Variants in TXNRD1 observed in about 807,000 individuals in gnomAD.
TXNRD1 encodes the protein thioredoxin reductase 1, cytoplasmic.
TXNRD1 carries 57 observed loss-of-function variants against 80.3 expected under a neutral mutation model. The observed-to-expected ratio is 0.71, with a 90% CI of 0.57 to 0.89. The LOEUF is 0.89. Ranked by LOEUF, TXNRD1 falls within the 40% of genes least tolerant of loss-of-function variation. The pLI is 0.00. For synonymous variants in TXNRD1, 291 were observed against 285.2 expected (o/e 1.02, Z -0.20); for missense variants, 730 against 803.0 (o/e 0.91, Z 1.10).
chr12:104,221,844 G>A (rs1459299910), intron 1 of TXNRD1, among the ~76,000 whole-genome samples: 1 of 152,124 alleles, frequency 6.6e-6, no homozygotes, highest in Non-Finnish European at 1.5e-5. Context: ...AGAATTAAGA[G>A]GCCACAATTA....
intron 3 of TXNRD1, among the ~76,000 whole-genome samples, chr12:104,263,115 G>A (rs529336093): frequency 1.3e-5 from 2 of 152,324 alleles, no homozygotes; most frequent in East Asian, 3.9e-4. Context: ...TGGCATTCAT[G>A]TCCTGTGTGT....
chr12:104,343,246 A>T (rs79864004), intron 16 of TXNRD1, among the ~76,000 whole-genome samples: 1,919 of 152,288 alleles, frequency 0.013, 36 homozygotes, highest in African/African-American at 0.04. Flanking sequence ...TGCCCATGGT[A>T]ACCCAGCCTG....
At chr12:104,315,689 A>C in intron 6 of TXNRD1, 88 bp from the exon 7 acceptor site, 21 of 1,398,520 alleles carry the variant, frequency 1.5e-5, no homozygotes, top group Non-Finnish European at 1.9e-5. Context: ...AATATTTCTT[A>C]GAGTTGTAAT....
At chr12:104,344,356 A>T (rs74352172) in intron 16 of TXNRD1, among the ~76,000 whole-genome samples, 1 of 145,430 alleles carries the variant, frequency 6.9e-6, no homozygotes. Context: ...AGCTCCAGTG[A>T]TTTTTTTTTT....
At chr12:104,254,644 A>AAAAAAAAAAAAAAATAT in intron 2 of TXNRD1, among the ~76,000 whole-genome samples, 8 of 93,632 alleles carry the variant, frequency 8.5e-5, no homozygotes, top group African/African-American at 2.1e-4. Context: ...AAAAAAAAAA[A>AAAAAAAAAAAAAAATAT]ATATATATAT....
chr12:104,313,297 C>T lies in TXNRD1; in HGVS notation c.590C>T (p.Thr197Ile). The change falls in exon 6 of 17, where the codon ACC (threonine) becomes ATC (isoleucine). Residue 197 changes from threonine (T) to isoleucine (I), a missense_variant. By Grantham distance (89) the Thr-to-Ile change is moderately conservative. Coordinates refer to ENST00000525566, the MANE Select transcript of TXNRD1 (RefSeq NM_001093771.3). ...KVMVLDFVTP[T>I]PLGTRWGLGG... ...ATGGTCCTGGACTTTGTCACTCCCA[C>T]CCCTCTTGGAACTAGATGGGGTAAG... The T allele has an allele frequency of 1.3e-6, 2 of 1,591,390 alleles. No homozygotes were observed. Among genetic ancestry groups the T allele is most frequent in the Non-Finnish European group, 1.7e-6 (2 of 1,167,466 alleles).
chr12:104,299,586 C>CTG (rs2034549488), intron 4 of TXNRD1, among the ~76,000 whole-genome samples: 1 of 151,604 alleles, frequency 6.6e-6, no homozygotes, highest in Admixed American at 6.6e-5. Context: ...GGTCAACATG[C>CTG]TGAAACCCTG....
At chr12:104,276,153 A>G (rs10778316) in intron 3 of TXNRD1, among the ~76,000 whole-genome samples, 102,475 of 151,636 alleles carry the variant, frequency 0.68, 34,759 homozygotes, top group East Asian at 0.85. Context: ...GGAATGGCTT[A>G]AACGGCCCTG....
intron 1 of TXNRD1, among the ~76,000 whole-genome samples, chr12:104,242,673 G>A (rs910597384): frequency 6.6e-6 from 1 of 152,052 alleles, no homozygotes; most frequent in African/African-American, 2.4e-5. Context: ...TGGTCCTTCA[G>A]TACCTCTTCC....
intron 2 of TXNRD1, among the ~76,000 whole-genome samples, chr12:104,256,971 C>CTTTTTTTTTTTTTTTTTTTTTTT (rs1437158062): frequency 1.1e-5 from 1 of 89,906 alleles, no homozygotes. Context: ...AATATATTTT[C>CTTTTTTTTTTTTTTTTTTTTTTT]TTTTCTTTTT....
intron 1 of TXNRD1, 125 bp downstream of exon 1, chr12:104,216,018 C>A: frequency 1.3e-6 from 1 of 779,156 alleles, no homozygotes; most frequent in Admixed American, 3.1e-5. Flanking sequence ...CAGTGACTGA[C>A]CGCGCGCCAC....
At chr12:104,269,636 C>T (rs921247813) in intron 3 of TXNRD1, among the ~76,000 whole-genome samples, 4 of 151,918 alleles carry the variant, frequency 2.6e-5, no homozygotes, top group Admixed American at 6.6e-5. Context: ...GGCGCGATCT[C>T]GGCTCACAGT....
chr12:104,268,093 C>T (rs1218283373), intron 3 of TXNRD1, among the ~76,000 whole-genome samples: 1 of 151,626 alleles, frequency 6.6e-6, no homozygotes, highest in Non-Finnish European at 1.5e-5. Flanking sequence ...TCAGGTAATC[C>T]ACCTACCTAC....
chr12:104,348,599 A>G lies in TXNRD1; in HGVS notation c.*178A>G. 5.0e-6 allele frequency: 3 copies of G among 598,122 alleles called. No homozygotes were observed. In the South Asian group the frequency reaches 6.0e-5, roughly 12 times the overall value. The allele number at this position is 598,122 out of a possible 1,614,324, so 37.1% of individuals were successfully genotyped here. A position where few individuals can be genotyped will look rare whatever the true frequency, so the allele number is the denominator to read the frequency against. Reference sequence around the variant, plus strand: ...AGGAGTTGGTGAATAGAAGGCAGGCAGCATCACACTGGGGTCACTGACAGA... The same window carrying G: ...AGGAGTTGGTGAATAGAAGGCAGGCGGCATCACACTGGGGTCACTGACAGA... On this transcript the variant is annotated 3_prime_UTR_variant, in exon 17 of 17. Transcript: ENST00000525566.
At chr12:104,322,374 C>CTTTTTTTTTTTTTTTTTTTTT (rs58288808) in intron 10 of TXNRD1, among the ~76,000 whole-genome samples, 1 of 61,544 alleles carries the variant, frequency 1.6e-5, no homozygotes, top group Admixed American at 2.1e-4. Context: ...TTATTTTTAC[C>CTTTTTTTTTTTTTTTTTTTTT]TTTTTTTTTT....
chr12:104,275,815 A>T (rs994367046), intron 3 of TXNRD1, among the ~76,000 whole-genome samples: 1 of 152,256 alleles, frequency 6.6e-6, no homozygotes, highest in Non-Finnish European at 1.5e-5. Context: ...ATGCATGAGG[A>T]CATAATGATT....
At chr12:104,223,285 G>T (rs1186690430) in intron 1 of TXNRD1, among the ~76,000 whole-genome samples, 2 of 152,152 alleles carry the variant, frequency 1.3e-5, no homozygotes, top group Non-Finnish European at 2.9e-5. Context: ...CAAATCGAAG[G>T]CTTGCTGCAC....
intron 4 of TXNRD1, among the ~76,000 whole-genome samples, chr12:104,306,597 T>A (rs940998023): frequency 2.0e-5 from 3 of 152,184 alleles, no homozygotes; most frequent in African/African-American, 2.4e-5. Context: ...GAGGAAGGAT[T>A]TTTCATGTAT....
chr12:104,307,734 G>C (rs1160970432), intron 4 of TXNRD1, among the ~76,000 whole-genome samples: 2 of 152,184 alleles, frequency 1.3e-5, no homozygotes, highest in Non-Finnish European at 2.9e-5. Flanking sequence ...TGCCACAGTT[G>C]AATTGCTTTC....
Sources: allele counts gnomAD v4.1 joint callset (sites outside exome capture counted in the v4.1 genomes callset), GRCh38; gene constraint gnomAD v4.1.1; transcripts MANE v1.5; gene names NCBI Gene and HGNC (gene_info 2026-07-23, HGNC 2026-07-21).